The following CLDN12 variants were observed in gnomAD, a reference collection of about 807,000 sequenced individuals.
CLDN12 encodes claudin-12.
CLDN12 carries 9 observed loss-of-function variants against 15.5 expected under a neutral mutation model. The ratio of observed to expected loss-of-function variants is 0.58; its 90% CI spans 0.35 to 1.02. The LOEUF (loss-of-function observed/expected upper bound fraction) is 1.02. CLDN12 is among the 50% of genes least tolerant of loss of function. CLDN12 has a pLI of 0.02. For synonymous variants in CLDN12, 140 were observed against 121.6 expected (o/e 1.15, Z -1.00); for missense variants, 233 against 297.3 (o/e 0.78, Z 1.59).
chr7:90,404,884 C>CT (rs1204346968), intron 1 of CLDN12, among the ~76,000 whole-genome samples: 1 of 150,560 alleles, frequency 6.6e-6, no homozygotes, highest in Non-Finnish European at 1.5e-5. Flanking sequence ...AATAAACAGC[C>CT]TTTTTATTTT....
intron 2 of CLDN12, among the ~76,000 whole-genome samples, chr7:90,410,488 A>G (rs1479343173): frequency 6.6e-6 from 1 of 152,178 alleles, no homozygotes; most frequent in Non-Finnish European, 1.5e-5. Flanking sequence ...ATTTGTGTAT[A>G]TTTGAATATA....
chr7:90,413,352 G>A lies in CLDN12; in HGVS notation c.676G>A (p.Ala226Thr), dbSNP rs147857522. ...SMHTYSQPYS[A>T]RSRLSAIEID... ...GCATACTTACTCACAGCCCTATTCA[G>A]CACGCTCTCGCCTCTCTGCCATTGA... Residue 226 changes from alanine (A) to threonine (T), a missense_variant, in exon 4 of 4, where the codon GCA (alanine) becomes ACA (threonine). By Grantham distance (58) the Ala-to-Thr change is moderately conservative. Transcript: ENST00000496677. 9 of 1,613,922 alleles carry A rather than the reference G, an allele frequency of 5.6e-6. No homozygotes were observed. Among genetic ancestry groups the A allele is most frequent in the Non-Finnish European group, 7.6e-6 (9 of 1,180,018 alleles).
At position 90,413,648 on chromosome 7, in the gene CLDN12, A is replaced by G; in HGVS notation, c.*237A>G. On this transcript the variant is annotated 3_prime_UTR_variant, in exon 4 of 4. Transcript: ENST00000496677. ...AAGGAATTTTAGCCTTCATATTGAT[A>G]TCTAATTAATTATTTAAGTGGAAGA... The G allele has an allele frequency of 7.8e-7, 1 of 1,280,058 alleles. No individual in the cohort carries two copies. Among genetic ancestry groups the G allele is most frequent in the Non-Finnish European group, 9.9e-7 (1 of 1,007,926 alleles). The allele number at this position is 1,280,058 out of a possible 1,614,324, so 79.3% of individuals were successfully genotyped here.
chr7:90,410,575 G>A (rs1236340252), intron 2 of CLDN12, among the ~76,000 whole-genome samples: 1 of 152,298 alleles, frequency 6.6e-6, no homozygotes, highest in East Asian at 1.9e-4. Flanking sequence ...TATAATCCCA[G>A]CTTGTAATTT....
Position 90,415,746 on chromosome 7 carries a change from C to G in CLDN12, c.*2335C>G, listed in dbSNP as rs1012602241. 7.2e-5 allele frequency: 12 copies of G among 166,950 alleles called. No homozygotes were observed. The highest frequency in any genetic ancestry group is 2.9e-4 in the African/African-American group (12 of 41,394). 10.3% of individuals were successfully genotyped at this position (166,950 alleles called of 1,614,324 possible). The stretch of plus-strand genomic sequence containing the variant: ...TTAAAAGCCTATTATTGTTAAAGGC[C>G]TTTTATGGAAACCAACTTGGAAAAC... On this transcript the variant is annotated 3_prime_UTR_variant, in exon 4 of 4. Coordinates refer to ENST00000496677, the MANE Select transcript of CLDN12 (RefSeq NM_001185072.3).
chr7:90,414,118 G>T lies in CLDN12; in HGVS notation c.*707G>T, dbSNP rs1236655377. 21 of 1,000,024 alleles carry T rather than the reference G, an allele frequency of 2.1e-5. No individual in the cohort carries two copies. Among genetic ancestry groups the T allele is most frequent in the Middle Eastern group, 5.2e-4 (1 of 1,938 alleles). 61.9% of individuals were successfully genotyped at this position (1,000,024 alleles called of 1,614,324 possible). A position where few individuals can be genotyped will look rare whatever the true frequency, so the allele number is the denominator to read the frequency against. On this transcript the variant is annotated 3_prime_UTR_variant, in exon 4 of 4. Coordinates refer to ENST00000496677, the MANE Select transcript of CLDN12 (RefSeq NM_001185072.3). ...TGGGATTAGAATGTGCTTTATGACA[G>T]GTTAGTGTTTCCTCTGAGGCAGAAA...
rs1255085510 is a variant in CLDN12 at position 90,414,697 on chromosome 7, T to C, written c.*1286T>C. On this transcript the variant is annotated 3_prime_UTR_variant, in exon 4 of 4. Coordinates refer to ENST00000496677, the MANE Select transcript of CLDN12 (RefSeq NM_001185072.3). ...CTGTTTACTTCAGTCCATTGTATCC[T>C]TTAAGGCACCTGTGCTAGCCTAGAT... 6.0e-6 allele frequency: 1 copy of C among 167,110 alleles called. No homozygotes were observed. The highest frequency in any genetic ancestry group is 2.4e-5 in the African/African-American group (1 of 41,450). 10.4% of individuals were successfully genotyped at this position (167,110 alleles called of 1,614,324 possible).
chr7:90,413,550 G>A lies in CLDN12; in HGVS notation c.*139G>A, dbSNP rs187870115. ...CCAAATTTATATGTCCTAGTAGAAT[G>A]AAGTGCTGCTAGTTTTTATGAGAAG... On this transcript the variant is annotated 3_prime_UTR_variant, in exon 4 of 4. Transcript: ENST00000496677. 2.1e-6 allele frequency: 3 copies of A among 1,446,418 alleles called. No homozygotes were observed. The highest frequency in any genetic ancestry group is 2.5e-5 in the East Asian group (1 of 40,456). The allele number at this position is 1,446,418 out of a possible 1,614,324, so 89.6% of individuals were successfully genotyped here.
chr7:90,413,148 A>G lies in CLDN12; in HGVS notation c.472A>G (p.Asn158Asp). Residue 158 changes from asparagine (N) to aspartate (D), a missense_variant, in exon 4 of 4, where the codon AAC becomes GAC. Asn to Asp is a conservative substitution (Grantham distance 23). Coordinates refer to ENST00000496677, the MANE Select transcript of CLDN12 (RefSeq NM_001185072.3). ...LSPSIWVIFYNIHLNKKFEPV... is the reference protein window; with the variant it reads ...LSPSIWVIFYDIHLNKKFEPV... ...CCCATCTATCTGGGTCATCTTTTAT[A>G]ACATCCATCTGAACAAGAAGTTTGA... The G allele has an allele frequency of 6.2e-7, 1 of 1,614,178 alleles. No individual in the cohort carries two copies. The highest frequency in any genetic ancestry group is 1.1e-5 in the South Asian group (1 of 91,078).
In CLDN12 at chr7:90,413,356, G is replaced by T; in HGVS notation, c.680G>T (p.Arg227Leu). Residue 227 changes from arginine to leucine, a missense_variant, in exon 4 of 4, where the codon CGC becomes CTC. Physicochemically the swap from Arg to Leu is moderately radical, Grantham distance 102 (BLOSUM62 -2). Transcript: ENST00000496677. ...ACTTACTCACAGCCCTATTCAGCAC[G>T]CTCTCGCCTCTCTGCCATTGAAATT... The part of the protein sequence containing the change: ...MHTYSQPYSA[R>L]SRLSAIEIDI... 1.2e-6 allele frequency: 2 copies of T among 1,614,044 alleles called. No individual in the cohort carries two copies. The highest frequency in any genetic ancestry group is 1.7e-6 in the Non-Finnish European group (2 of 1,179,988).
In CLDN12 at chr7:90,414,437, C is replaced by T; in HGVS notation, c.*1026C>T. The T allele has an allele frequency of 2.0e-6, 2 of 980,784 alleles. No homozygotes were observed. The highest frequency in any genetic ancestry group is 2.5e-6 in the Non-Finnish European group (2 of 812,316). The allele number at this position is 980,784 out of a possible 1,614,324, so 60.8% of individuals were successfully genotyped here. ...TCCTTGAGCATATATCTCTGCCTAA[C>T]ACTTTAGTAGGTGCTATAGAGGATA... On this transcript the variant is annotated 3_prime_UTR_variant, in exon 4 of 4. Coordinates refer to ENST00000496677, the MANE Select transcript of CLDN12 (RefSeq NM_001185072.3).
chr7:90,404,622 TA>T (rs1166515707), intron 1 of CLDN12, among the ~76,000 whole-genome samples: 1 of 152,196 alleles, frequency 6.6e-6, no homozygotes, highest in East Asian at 1.9e-4. Context: ...TTTAAAAATG[TA>T]AAAGAAAATT....
rs1797053927 is a variant in CLDN12, at chr7:90,415,451, G to GT, written c.*2047dup. 6.0e-6 allele frequency: 1 copy of GT among 166,746 alleles called. No homozygotes were observed. The highest frequency in any genetic ancestry group is 2.4e-5 in the African/African-American group (1 of 41,432). The allele number at this position is 166,746 out of a possible 1,614,324, so 10.3% of individuals were successfully genotyped here. Reference sequence around the variant, plus strand: ...GACTCAGTCTTTAAGATATTAGACAGTTTTTTTAGTCCATGGGATTGTAAA... The same window carrying GT: ...GACTCAGTCTTTAAGATATTAGACAGTTTTTTTTAGTCCATGGGATTGTAAA... On this transcript the variant is annotated 3_prime_UTR_variant, in exon 4 of 4. Coordinates refer to ENST00000496677, the MANE Select transcript of CLDN12 (RefSeq NM_001185072.3).
At chr7:90,406,933 T>TA (rs1230706368) in intron 2 of CLDN12, among the ~76,000 whole-genome samples, 1 of 152,292 alleles carries the variant, frequency 6.6e-6, no homozygotes, top group African/African-American at 2.4e-5. Context: ...TTTTCTCCAT[T>TA]AAAAAAACTA....
chr7:90,413,315 T>C lies in CLDN12; in HGVS notation c.639T>C (p.His213=), dbSNP rs1166728057. The C allele has an allele frequency of 1.2e-6, 2 of 1,614,068 alleles. No individual in the cohort carries two copies. Among genetic ancestry groups the C allele is most frequent in the Admixed American group, 3.3e-5 (2 of 60,008 alleles). Reference sequence around the variant, plus strand: ...CTTTCTGGCAACCATTGTACTCCCATCCACCCAGTATGCATACTTACTCAC... The same window carrying C: ...CTTTCTGGCAACCATTGTACTCCCACCCACCCAGTATGCATACTTACTCAC... The part of the protein sequence containing the change: ...PSPFWQPLYS[H]PPSMHTYSQP... The change falls in exon 4 of 4, where the codon CAT becomes CAC. Residue 213 remains histidine (H), a synonymous_variant. Coordinates refer to ENST00000496677, the MANE Select transcript of CLDN12 (RefSeq NM_001185072.3).
At position 90,412,640 on chromosome 7, in the gene CLDN12, C is replaced by T. The variant is rs1796990093; in HGVS notation, c.-33-4C>T. 6.3e-7 allele frequency: 1 copy of T among 1,586,992 alleles called. No homozygotes were observed. Among genetic ancestry groups the T allele is most frequent in the Non-Finnish European group, 8.6e-7 (1 of 1,167,124 alleles). On this transcript the variant is annotated splice_region_variant and splice_polypyrimidine_tract_variant and intron_variant, in intron 3 of 3. Transcript: ENST00000496677. Reference sequence around the variant, plus strand: ...GATTTGTCCTCTTGTGTGTCACCCCCTAGTCTGACTGACAGTACTCCACAA... The same window carrying T: ...GATTTGTCCTCTTGTGTGTCACCCCTTAGTCTGACTGACAGTACTCCACAA...
chr7:90,410,946 A>G (rs1261199438), intron 2 of CLDN12, among the ~76,000 whole-genome samples: 1 of 152,152 alleles, frequency 6.6e-6, no homozygotes, highest in Non-Finnish European at 1.5e-5. Flanking sequence ...GCAGTGAGCC[A>G]TGATTGTGTC....
chr7:90,410,895 G>T (rs1796946605), intron 2 of CLDN12, among the ~76,000 whole-genome samples: 4 of 152,062 alleles, frequency 2.6e-5, no homozygotes, highest in South Asian at 2.1e-4. Flanking sequence ...TACTCAGGAG[G>T]CTGAGGTGGG....
At chr7:90,412,587 C>T in intron 3 of CLDN12, 57 bp from the exon 4 acceptor site, 1 of 1,417,680 alleles carries the variant, frequency 7.1e-7, no homozygotes, top group South Asian at 1.4e-5. Context: ...ACCACCCTTC[C>T]TGCTCTGTTC....
Sources: gnomAD v4.1 joint callset for allele counts (sites outside exome capture counted in the v4.1 genomes callset) on GRCh38, gnomAD v4.1.1 for gene constraint, MANE v1.5 for transcripts, NCBI Gene and HGNC (gene_info 2026-07-23, HGNC 2026-07-21) for gene names.